ADGRF3: variants seen among roughly 807,000 people sequenced by gnomAD.
The protein encoded by ADGRF3 is G protein-coupled receptor 113.
In ADGRF3, 85 loss-of-function variants were observed where a neutral mutation model predicts 93.2. The observed-to-expected ratio is 0.91, with a 90% confidence interval of 0.77 to 1.09. The LOEUF (loss-of-function observed/expected upper bound fraction) is 1.09, where lower values mean the gene tolerates loss of function less well. Among genes scored for constraint, ADGRF3 ranks in the 50% least tolerant of loss-of-function variants. ADGRF3 has a pLI of 0.00. For missense variants in ADGRF3, 1,125 were observed against 1,246.2 expected (o/e 0.90, Z 1.46); for synonymous variants, 534 against 532.5 (o/e 1.00, Z -0.04).
In ADGRF3 at chr2:26,312,875, G is replaced by A. The variant is rs764788669; in HGVS notation, c.1449+68C>T. On this transcript the variant is annotated intron_variant, in intron 9 of 13. Transcript: ENST00000651242. ...ATGGTGACATCAGAGGGACAGAAAT[G>A]CCCACAGGTGGGGAGTCTTCAGCCC... 8.4e-6 allele frequency: 12 copies of A among 1,430,372 alleles called. No individual in the cohort carries two copies. In the Admixed American group the frequency reaches 2.0e-4, roughly 24 times the overall value. The allele number at this position is 1,430,372 out of a possible 1,614,324, so 88.6% of individuals were successfully genotyped here.
chr2:26,324,859 G>A (rs976103573), intron 1 of ADGRF3, among the ~76,000 whole-genome samples: 2 of 152,216 alleles, frequency 1.3e-5, no homozygotes, highest in Admixed American at 6.5e-5. Context: ...TTGCTGGGTA[G>A]AATAGTATTT....
intron 1 of ADGRF3, among the ~76,000 whole-genome samples, chr2:26,333,140 C>T (rs866931587): frequency 1.3e-5 from 2 of 152,078 alleles, no homozygotes; most frequent in Non-Finnish European, 2.9e-5. Flanking sequence ...AATACTTCCT[C>T]GACTTATTGC....
chr2:26,319,231 T>A, intron 1 of ADGRF3: 1 of 587,306 alleles, frequency 1.7e-6, no homozygotes. Context: ...GGGGGCCACC[T>A]GGAGCCCACA....
intron 1 of ADGRF3, among the ~76,000 whole-genome samples, chr2:26,332,150 T>C (rs571365068): frequency 6.6e-6 from 1 of 152,336 alleles, no homozygotes; most frequent in East Asian, 1.9e-4. Flanking sequence ...ACTTCTACAC[T>C]GGAATGTGTT....
chr2:26,328,642 C>T (rs985709893), intron 1 of ADGRF3, among the ~76,000 whole-genome samples: 6 of 152,012 alleles, frequency 3.9e-5, no homozygotes, highest in African/African-American at 9.7e-5. Context: ...TTAGTAGAGA[C>T]GGGGTTTCAC....
rs528307419 is a variant in ADGRF3 at position 26,313,876 on chromosome 2, T to G, written c.956A>C (p.Gln319Pro). ...GCGCTGAACAGCCAGCACAAAGCAC[T>G]GAGAGCCTGACTCGTTGAAGGAGGA... ...KASSFNESGS[Q>P]CFVLAVQRCP... The change falls in exon 7 of 14, where the codon CAG becomes CCG. Residue 319 changes from glutamine (Q) to proline (P), a missense_variant. Transcript: ENST00000651242. 1.2e-6 allele frequency: 2 copies of G among 1,613,992 alleles called. No individual in the cohort carries two copies. The highest frequency in any genetic ancestry group is 2.2e-5 in the South Asian group (2 of 91,088).
At chr2:26,321,954 C>T (rs1214550389) in intron 1 of ADGRF3, among the ~76,000 whole-genome samples, 1 of 129,520 alleles carries the variant, frequency 7.7e-6, no homozygotes, top group Non-Finnish European at 1.6e-5. Context: ...GCCTGGGTGA[C>T]AGAATGAGAC....
intron 1 of ADGRF3, among the ~76,000 whole-genome samples, chr2:26,332,264 A>T (rs1013276859): frequency 6.6e-6 from 1 of 152,242 alleles, no homozygotes; most frequent in Non-Finnish European, 1.5e-5. Context: ...GGTATGATGC[A>T]GATTGTTGTG....
intron 1 of ADGRF3, chr2:26,317,919 G>A: frequency 2.0e-6 from 2 of 998,206 alleles, no homozygotes; most frequent in Admixed American, 2.0e-5. Flanking sequence ...CAGGCGCTTG[G>A]GGAGTTTATT....
In ADGRF3 at chr2:26,308,920, T is replaced by G. The variant is rs1574687425; in HGVS notation, c.*166A>C. 5 of 843,458 alleles carry G rather than the reference T, an allele frequency of 5.9e-6. No homozygotes were observed. Among genetic ancestry groups the G allele is most frequent in the Non-Finnish European group, 9.4e-6 (5 of 530,446 alleles). The allele number at this position is 843,458 out of a possible 1,614,324, so 52.2% of individuals were successfully genotyped here. ...TGGATACTTTAGAAATGAGAAGGGG[T>G]GAGCTGTAAGATAAATGAGTGTCAC... On this transcript the variant is annotated 3_prime_UTR_variant, in exon 14 of 14. Coordinates refer to ENST00000651242, the MANE Select transcript of ADGRF3 (RefSeq NM_001321971.2).
rs536488864 is a variant in ADGRF3, at chr2:26,311,855, T to G, written c.1669A>C (p.Ile557Leu). 21 of 1,613,874 alleles carry G rather than the reference T, an allele frequency of 1.3e-5. No homozygotes were observed. In the East Asian group the frequency reaches 3.8e-4, roughly 29 times the overall value. The change falls in exon 10 of 14, where the codon ATC becomes CTC. Residue 557 changes from isoleucine (I) to leucine (L), a missense_variant. Transcript: ENST00000651242. ...AGTGGGGGCCGAGTAGGGAAGGAGA[T>G]GCTGTAGTCAGCAGGAAACGTGGGT... ...FGPTFPADYS[I>L]SFPTRPPLQA...
Position 26,333,831 on chromosome 2 carries a change from AT to A in ADGRF3, c.114+12289del, listed in dbSNP as rs554478340. Among the ~76,000 whole-genome samples, 278 of 149,584 alleles carry A rather than the reference AT, an allele frequency of 1.9e-3. 2 individuals carry two copies. The highest frequency in any genetic ancestry group is 9.6e-3 in the East Asian group (49 of 5,108). ...TTTCATAAAATGTATTTTATTTACT[AT>A]TTTTTTTTTAAGACAGAGTCTGGCT... On this transcript the variant is annotated intron_variant, in intron 1 of 13. Coordinates refer to ENST00000651242, the MANE Select transcript of ADGRF3 (RefSeq NM_001321971.2).
At position 26,311,458 on chromosome 2, in the gene ADGRF3, A is replaced by T. The variant is rs1674121465; in HGVS notation, c.2066T>A (p.Val689Asp). The change falls in exon 10 of 14, where the codon GTC (valine) becomes GAC (aspartate). Residue 689 changes from valine (V) to aspartate (D), a missense_variant. By Grantham distance (152) the Val-to-Asp change is radical. Coordinates refer to ENST00000651242, the MANE Select transcript of ADGRF3 (RefSeq NM_001321971.2). ...CLCQHLTAFS[V>D]LMSPHTVPEE... ...CGGAACAGTGTGTGGGGACATGAGG[A>T]CGGAGAAGGCAGTGAGGTGCTGGCA... 6.2e-7 allele frequency: 1 copy of T among 1,614,044 alleles called. No individual in the cohort carries two copies. The highest frequency in any genetic ancestry group is 1.1e-5 in the South Asian group (1 of 91,084).
intron 1 of ADGRF3, 63 bp downstream of exon 1, chr2:26,346,056 TGA>T: frequency 6.7e-7 from 1 of 1,488,918 alleles, no homozygotes. Flanking sequence ...GCTTGCGCAC[TGA>T]GAGGCGGCCG....
intron 1 of ADGRF3, among the ~76,000 whole-genome samples, chr2:26,322,580 T>C (rs1675212993): frequency 6.6e-6 from 1 of 152,194 alleles, no homozygotes; most frequent in South Asian, 2.1e-4. Context: ...CATTTTTGCA[T>C]GTACAGAGAT....
intron 1 of ADGRF3, among the ~76,000 whole-genome samples, chr2:26,338,235 C>T (rs1676162771): frequency 6.6e-6 from 1 of 151,854 alleles, no homozygotes; most frequent in Admixed American, 6.6e-5. Flanking sequence ...GAAATATGGC[C>T]AGGTATGGTG....
rs540022437 is a variant in ADGRF3 at position 26,327,847 on chromosome 2, A to T, written c.115-10285T>A. ...ACGTCTTCTTTTAAAAAAAAAAAAA[A>T]TTTTGCCACTCTGTGGTATTCTGTT... is the stretch of plus-strand genomic sequence containing the variant. On this transcript the variant is annotated intron_variant, in intron 1 of 13. Coordinates refer to ENST00000651242, the MANE Select transcript of ADGRF3 (RefSeq NM_001321971.2). Among the ~76,000 whole-genome samples the T allele has an allele frequency of 3.2e-3, 488 of 150,290 alleles. 1 individual carries two copies. The highest frequency in any genetic ancestry group is 4.3e-3 in the Non-Finnish European group (293 of 67,764).
rs1176959286 is a variant in ADGRF3, at chr2:26,314,460, T to A, written c.882A>T (p.Thr294=). 1.2e-6 allele frequency: 2 copies of A among 1,614,000 alleles called. No individual in the cohort carries two copies. Among genetic ancestry groups the A allele is most frequent in the Admixed American group, 3.3e-5 (2 of 60,022 alleles). The change falls in exon 6 of 14, where the codon ACA becomes ACT. Residue 294 remains threonine, a synonymous_variant. Coordinates refer to ENST00000651242, the MANE Select transcript of ADGRF3 (RefSeq NM_001321971.2). ...GFQLSCCIPS[T]NLAYTAAWSP... ...TCCAGGCCGCGGTGTAGGCCAGGTT[T>A]GTGCTGGGGATGCAGCAGCTCAGCT...
chr2:26,309,078 T>A lies in ADGRF3; in HGVS notation c.*8A>T. The A allele has an allele frequency of 6.2e-7, 1 of 1,614,016 alleles. No homozygotes were observed. The highest frequency in any genetic ancestry group is 8.5e-7 in the Non-Finnish European group (1 of 1,179,890). ...ACTCCCTTGCAGGAACATGGGTCCG[T>A]GTGTGGTTCACTCTGAAGCATCTGT... is the stretch of plus-strand genomic sequence containing the variant. On this transcript the variant is annotated 3_prime_UTR_variant, in exon 14 of 14. Coordinates refer to ENST00000651242, the MANE Select transcript of ADGRF3 (RefSeq NM_001321971.2).
Sources: allele counts gnomAD v4.1 joint callset (sites outside exome capture counted in the v4.1 genomes callset), GRCh38; gene constraint gnomAD v4.1.1; transcripts MANE v1.5; gene names NCBI Gene and HGNC (gene_info 2026-07-23, HGNC 2026-07-21).